CFAP299: variants seen among roughly 807,000 people sequenced by gnomAD.
The protein encoded by CFAP299 is cilia- and flagella-associated protein 299.
A neutral mutation model predicts 27.0 loss-of-function variants in CFAP299; 21 were observed. That is an observed-to-expected ratio of 0.78 (90% CI 0.55 to 1.12). The LOEUF is 1.12. Ranked by LOEUF, CFAP299 falls within the 50% of genes most tolerant of loss-of-function variation. The pLI is 0.00. For synonymous variants in CFAP299, 104 were observed against 98.1 expected, an observed-to-expected ratio of 1.06 and a Z score of -0.36; for missense variants, 310 against 276.6, an observed-to-expected ratio of 1.12 and a Z score of -0.86.
intron 1 of CFAP299, among the ~76,000 whole-genome samples, chr4:80,340,004 C>T (rs992532249): frequency 1.4e-4 from 21 of 152,138 alleles, no homozygotes; most frequent in African/African-American, 5.1e-4. Context: ...GCATTGTCTT[C>T]CCATTATTTA....
intron 3 of CFAP299, among the ~76,000 whole-genome samples, chr4:80,663,874 C>T (rs898484350): frequency 6.6e-6 from 1 of 152,122 alleles, no homozygotes; most frequent in Non-Finnish European, 1.5e-5. Context: ...ATTTGCATTT[C>T]TCTAATGACC....
chr4:80,624,860 C>T (rs1253464602), intron 3 of CFAP299, among the ~76,000 whole-genome samples: 1 of 152,108 alleles, frequency 6.6e-6, no homozygotes, highest in Non-Finnish European at 1.5e-5. Context: ...ACAACAAATA[C>T]TGTCAATCAA....
At chr4:80,806,600 T>C (rs1728878006) in intron 3 of CFAP299, among the ~76,000 whole-genome samples, 2 of 152,236 alleles carry the variant, frequency 1.3e-5, no homozygotes, top group Admixed American at 1.3e-4. Context: ...GCAGTGTCAT[T>C]GCAATTTCAA....
At chr4:80,826,163 A>T (rs1055801196) in intron 3 of CFAP299, among the ~76,000 whole-genome samples, 4 of 148,126 alleles carry the variant, frequency 2.7e-5, no homozygotes, top group Non-Finnish European at 6.0e-5. Context: ...ATTAGAGCAT[A>T]ATAACTTTAA....
chr4:80,546,115 C>T (rs1309937750), intron 2 of CFAP299, among the ~76,000 whole-genome samples: 4 of 152,134 alleles, frequency 2.6e-5, no homozygotes, highest in Non-Finnish European at 1.5e-5. Flanking sequence ...TAACAACCAT[C>T]TCTGACAAGC....
At chr4:80,370,580 G>A (rs1019568696) in intron 2 of CFAP299, among the ~76,000 whole-genome samples, 5 of 152,204 alleles carry the variant, frequency 3.3e-5, no homozygotes, top group African/African-American at 1.2e-4. Flanking sequence ...GTTCCAAAAG[G>A]GAGAAATCGG....
intron 2 of CFAP299, among the ~76,000 whole-genome samples, chr4:80,364,489 G>A (rs552424331): frequency 1.3e-5 from 2 of 152,084 alleles, no homozygotes; most frequent in Non-Finnish European, 2.9e-5. Flanking sequence ...CTCCTTTTAA[G>A]GACTTATGTG....
At chr4:80,808,723 T>A (rs76924768) in intron 3 of CFAP299, among the ~76,000 whole-genome samples, 1 of 152,126 alleles carries the variant, frequency 6.6e-6, no homozygotes, top group African/African-American at 2.4e-5. Flanking sequence ...TTTTCAAGCA[T>A]CTCTTACATG....
At chr4:80,722,777 G>A (rs969718011) in intron 3 of CFAP299, among the ~76,000 whole-genome samples, 6 of 151,984 alleles carry the variant, frequency 3.9e-5, no homozygotes, top group Non-Finnish European at 8.8e-5. Context: ...GCGGGCGCCT[G>A]TAGTCCCAGC....
intron 3 of CFAP299, among the ~76,000 whole-genome samples, chr4:80,869,644 G>C (rs1346592588): frequency 4.6e-5 from 7 of 152,128 alleles, no homozygotes; most frequent in Non-Finnish European, 4.4e-5. Flanking sequence ...CTCCCAAGTA[G>C]CTGGGATTAT....
chr4:80,433,998 ATTCT>A (rs1245226150), intron 2 of CFAP299, among the ~76,000 whole-genome samples: 1 of 152,166 alleles, frequency 6.6e-6, no homozygotes, highest in Non-Finnish European at 1.5e-5. Flanking sequence ...TGGTCAGTTC[ATTCT>A]TTATTTCATT....
intron 3 of CFAP299, among the ~76,000 whole-genome samples, chr4:80,732,770 G>A (rs549879650): frequency 8.6e-4 from 131 of 152,022 alleles, no homozygotes; most frequent in Middle Eastern, 3.4e-3. Flanking sequence ...TATGTTCCTC[G>A]TACTAGAAAA....
At chr4:80,325,490 G>A in the CFAP299 span, among the ~76,000 whole-genome samples, 8 of 152,024 alleles carry the variant, frequency 5.3e-5, no homozygotes, top group Non-Finnish European at 8.8e-5. Flanking sequence ...CATCTTATCC[G>A]TTTTTGCATT....
intron 3 of CFAP299, among the ~76,000 whole-genome samples, chr4:80,600,766 T>G (rs1451069577): frequency 1.3e-5 from 2 of 152,098 alleles, no homozygotes; most frequent in Non-Finnish European, 2.9e-5. Flanking sequence ...CAAAGCAAGT[T>G]TCTGGGACAT....
intron 3 of CFAP299, among the ~76,000 whole-genome samples, chr4:80,691,934 T>C (rs373188409): frequency 4.6e-4 from 70 of 152,074 alleles, no homozygotes; most frequent in South Asian, 2.1e-3. Context: ...TGAGTGAACT[T>C]CCATTCACAA....
intron 2 of CFAP299, among the ~76,000 whole-genome samples, chr4:80,518,206 C>T (rs1353464402): frequency 6.6e-6 from 1 of 151,920 alleles, no homozygotes; most frequent in South Asian, 2.1e-4. Context: ...AATTGGTGTA[C>T]AGGAAATGAT....
At chr4:80,446,110 A>G (rs2935033) in intron 2 of CFAP299, among the ~76,000 whole-genome samples, 1 of 152,170 alleles carries the variant, frequency 6.6e-6, no homozygotes, top group Non-Finnish European at 1.5e-5. Flanking sequence ...TTTGAGAGCA[A>G]TGAGGAAGAA....
At chr4:80,962,995 CTTTTAAAAGGTTATAA>C (rs955353225) in intron 5 of CFAP299, among the ~76,000 whole-genome samples, 2 of 151,202 alleles carry the variant, frequency 1.3e-5, no homozygotes, top group African/African-American at 4.9e-5. Flanking sequence ...AGATGAAATC[CTTTTAAAAGGTTATAA>C]TTTGAAGGAA....
At chr4:80,730,333 G>T (rs2110054852) in intron 3 of CFAP299, among the ~76,000 whole-genome samples, 1 of 139,254 alleles carries the variant, frequency 7.2e-6, no homozygotes, top group Admixed American at 7.2e-5. Flanking sequence ...GTGTATCAGT[G>T]TATCCCCCAG....
Sources: gnomAD v4.1 joint callset for allele counts (sites outside exome capture counted in the v4.1 genomes callset) on GRCh38, gnomAD v4.1.1 for gene constraint, MANE v1.5 for transcripts, NCBI Gene and HGNC (gene_info 2026-07-23, HGNC 2026-07-21) for gene names.